The following TTC29 variants were observed in gnomAD, a reference collection of about 807,000 sequenced individuals.
TTC29 encodes the protein tetratricopeptide repeat protein 29.
A neutral mutation model predicts 58.1 loss-of-function variants in TTC29; 49 were observed. The observed-to-expected ratio is 0.84, with a 90% CI of 0.67 to 1.07. The LOEUF (loss-of-function observed/expected upper bound fraction) is 1.07, where lower values mean the gene tolerates loss of function less well. Ranked by LOEUF, TTC29 falls within the 50% of genes least tolerant of loss-of-function variation. TTC29 has a pLI of 0.00. For synonymous variants in TTC29, 209 were observed against 196.8 expected (o/e 1.06, Z -0.52); for missense variants, 582 against 555.6 (o/e 1.05, Z -0.48).
At chr4:146,771,318 G>C (rs969694710) in intron 11 of TTC29, among the ~76,000 whole-genome samples, 1 of 152,012 alleles carries the variant, frequency 6.6e-6, no homozygotes, top group Non-Finnish European at 1.5e-5. Context: ...TAGGCAAATT[G>C]TGTGTCATGG....
At chr4:146,893,229 C>T (rs180982606) in intron 6 of TTC29, among the ~76,000 whole-genome samples, 2 of 152,266 alleles carry the variant, frequency 1.3e-5, no homozygotes, top group African/African-American at 4.8e-5. Context: ...CCAAGTCAAT[C>T]CTAAGCCAAA....
rs1306371967 is a variant in TTC29 at position 146,873,147 on chromosome 4, G to A, written c.799+1569C>T. 5.3e-5 allele frequency among the ~76,000 whole-genome samples: 8 copies of A among 152,070 alleles called. No homozygotes were observed. In the South Asian group the frequency reaches 6.2e-4, roughly 12 times the overall value. On this transcript the variant is annotated intron_variant, in intron 7 of 12. Transcript: ENST00000325106. ...TTGGCCAACGGTTGGTGTCAGTATC[G>A]CTTAAATACCATGTAAACCAATGTG...
At chr4:146,747,230 G>A (rs1413462732) in intron 11 of TTC29, among the ~76,000 whole-genome samples, 1 of 152,118 alleles carries the variant, frequency 6.6e-6, no homozygotes, top group Non-Finnish European at 1.5e-5. Flanking sequence ...CTCATGATGT[G>A]TCCTGCTGTG....
chr4:146,728,760 T>TACATATATATAC (rs1554006026), intron 11 of TTC29, among the ~76,000 whole-genome samples: 1 of 128,216 alleles, frequency 7.8e-6, no homozygotes, highest in Non-Finnish European at 1.6e-5. Flanking sequence ...AGGATATATG[T>TACATATATATAC]ACATATATAT....
At chr4:146,767,851 G>T (rs1372019417) in intron 11 of TTC29, among the ~76,000 whole-genome samples, 1 of 152,024 alleles carries the variant, frequency 6.6e-6, no homozygotes, top group Admixed American at 6.6e-5. Flanking sequence ...AAATGGAGAG[G>T]TCCCCCTTGT....
At chr4:146,709,825 A>C (rs1484989560) in intron 11 of TTC29, among the ~76,000 whole-genome samples, 1 of 152,104 alleles carries the variant, frequency 6.6e-6, no homozygotes, top group East Asian at 1.9e-4. Context: ...AATTGTCCAC[A>C]AGCTTTGTGG....
intron 11 of TTC29, among the ~76,000 whole-genome samples, chr4:146,726,811 T>C (rs1037829169): frequency 1.3e-5 from 2 of 152,116 alleles, no homozygotes; most frequent in Admixed American, 1.3e-4. Context: ...TTATTAACTT[T>C]TGTGAAAGAG....
chr4:146,756,733 C>T (rs1561094694), intron 11 of TTC29, among the ~76,000 whole-genome samples: 1 of 146,982 alleles, frequency 6.8e-6, no homozygotes, highest in South Asian at 2.2e-4. Context: ...TTTTTTTATT[C>T]TTTTTTTTTT....
At chr4:146,723,554 TA>T (rs1743540415) in intron 11 of TTC29, among the ~76,000 whole-genome samples, 1 of 152,072 alleles carries the variant, frequency 6.6e-6, no homozygotes, top group African/African-American at 2.4e-5. Flanking sequence ...AAAACTCCAT[TA>T]AAAAGTGGGC....
At chr4:146,902,928 T>A (rs193063801) in intron 6 of TTC29, among the ~76,000 whole-genome samples, 1 of 152,292 alleles carries the variant, frequency 6.6e-6, no homozygotes, top group Admixed American at 6.5e-5. Context: ...AGATCAAATC[T>A]TTTCATCTTT....
Position 146,750,070 on chromosome 4 carries a change from C to T in TTC29, c.1331-42519G>A, listed in dbSNP as rs188505618. Among the ~76,000 whole-genome samples, 26 of 152,120 alleles carry T rather than the reference C, an allele frequency of 1.7e-4. No homozygotes were observed. In the East Asian group the frequency reaches 3.5e-3, roughly 20 times the overall value. On this transcript the variant is annotated intron_variant, in intron 11 of 12. Transcript: ENST00000325106. The stretch of plus-strand genomic sequence containing the variant: ...CGCCCTACATTGGAGTACAGTGGTG[C>T]GATCTCGGCTCACTGCAAGCTCTGC...
chr4:146,851,122 C>T (rs754710631), intron 8 of TTC29, among the ~76,000 whole-genome samples: 33 of 152,340 alleles, frequency 2.2e-4, no homozygotes, highest in South Asian at 4.1e-4. Context: ...CCCAGCAAAT[C>T]ATACTTTTAC....
chr4:146,742,762 CTCCCCT>C (rs1351192247), intron 11 of TTC29, among the ~76,000 whole-genome samples: 5 of 147,770 alleles, frequency 3.4e-5, no homozygotes. Flanking sequence ...CTCCCCTCCC[CTCCCCT>C]CTCCTTTCCT....
At chr4:146,802,970 T>C (rs910291743) in intron 11 of TTC29, among the ~76,000 whole-genome samples, 1 of 152,114 alleles carries the variant, frequency 6.6e-6, no homozygotes, top group Non-Finnish European at 1.5e-5. Context: ...AGAAAAAGCA[T>C]GTGGCAAAAA....
At chr4:146,903,835 G>T in intron 5 of TTC29, 106 bp from the exon 6 acceptor site, 1 of 827,364 alleles carries the variant, frequency 1.2e-6, no homozygotes, top group Non-Finnish European at 1.7e-6. Context: ...CCTTAAAGAT[G>T]TGATTACCAA....
At chr4:146,938,216 G>T (rs1736028994) in intron 3 of TTC29, among the ~76,000 whole-genome samples, 1 of 152,036 alleles carries the variant, frequency 6.6e-6, no homozygotes, top group Non-Finnish European at 1.5e-5. Context: ...TATTATACTT[G>T]TAGTGCGTTC....
chr4:146,865,999 C>T (rs1730538246), intron 8 of TTC29, among the ~76,000 whole-genome samples: 1 of 152,034 alleles, frequency 6.6e-6, no homozygotes, highest in Non-Finnish European at 1.5e-5. Context: ...ATATAAAATG[C>T]AACAATTTTC....
rs148825964 is a variant in TTC29, at chr4:146,931,875, T to C, written c.176+5719A>G. Among the ~76,000 whole-genome samples the C allele has an allele frequency of 2.2e-3, 342 of 152,228 alleles. 1 individual carries two copies. The highest frequency in any genetic ancestry group is 7.8e-3 in the African/African-American group (326 of 41,574). On this transcript the variant is annotated intron_variant, in intron 4 of 12. Coordinates refer to ENST00000325106, the MANE Select transcript of TTC29 (RefSeq NM_031956.4). ...CCATTTTTTTGTACCTAGTGAACAT[T>C]GTTGTTTTATTCTGTCTTGTTTTGT...
intron 6 of TTC29, among the ~76,000 whole-genome samples, chr4:146,890,349 T>C (rs554449249): frequency 6.6e-6 from 1 of 152,266 alleles, no homozygotes; most frequent in East Asian, 1.9e-4. Flanking sequence ...ATGTATAGGG[T>C]AGTAGTCCCA....
Sources: gnomAD v4.1 joint callset for allele counts (sites outside exome capture counted in the v4.1 genomes callset) on GRCh38, gnomAD v4.1.1 for gene constraint, MANE v1.5 for transcripts, NCBI Gene and HGNC (gene_info 2026-07-23, HGNC 2026-07-21) for gene names.